PCNX2: variants seen among roughly 807,000 people sequenced by gnomAD.
PCNX2 encodes pecanex-like protein 2.
In PCNX2, 168 loss-of-function variants were observed where a neutral mutation model predicts 223.8. That is an observed-to-expected ratio of 0.75 (90% CI 0.66 to 0.85). PCNX2 has a LOEUF of 0.85. Ranked by LOEUF, PCNX2 falls within the 40% of genes least tolerant of loss-of-function variation. PCNX2 has a pLI of 0.00. For missense variants in PCNX2, 2,507 were observed against 2,675.5 expected (o/e 0.94, Z 1.39); for synonymous variants, 1,006 against 1,052.6 (o/e 0.96, Z 0.86).
intron 23 of PCNX2, among the ~76,000 whole-genome samples, chr1:233,067,365 C>CAAAAAAAAAAAAAAAAAAAAAAAA (rs750823791): frequency 2.6e-4 from 1 of 3,890 alleles, no homozygotes; most frequent in African/African-American, 6.2e-4. Context: ...AGAGCTTCAG[C>CAAAAAAAAAAAAAAAAAAAAAAAA]AAAAAAAAAA....
chr1:232,996,798 A>G (rs1669888689), intron 32 of PCNX2, among the ~76,000 whole-genome samples: 1 of 152,208 alleles, frequency 6.6e-6, no homozygotes, highest in Admixed American at 6.5e-5. Flanking sequence ...ACTCTAAAAC[A>G]GTTCTGTTAA....
At chr1:233,107,546 A>G (rs1674868968) in intron 21 of PCNX2, among the ~76,000 whole-genome samples, 1 of 152,218 alleles carries the variant, frequency 6.6e-6, no homozygotes, top group Non-Finnish European at 1.5e-5. Context: ...TTTGCCAACA[A>G]AAACCTCTAA....
chr1:233,149,840 AG>A (rs1677689466), intron 19 of PCNX2, among the ~76,000 whole-genome samples: 1 of 151,924 alleles, frequency 6.6e-6, no homozygotes, highest in South Asian at 2.1e-4. Context: ...CCCATGGCCC[AG>A]TCCCATGCCC....
chr1:233,269,467 C>T (rs1299813240), intron 1 of PCNX2, among the ~76,000 whole-genome samples: 3 of 152,186 alleles, frequency 2.0e-5, no homozygotes, highest in South Asian at 2.1e-4. Flanking sequence ...AGCAAAGGCA[C>T]TTCTCCAATT....
chr1:232,986,287 C>T lies in PCNX2; in HGVS notation c.6045G>A (p.Ala2015=), dbSNP rs777833591. 38 of 1,563,162 alleles carry T rather than the reference C, an allele frequency of 2.4e-5. No individual in the cohort carries two copies. The highest frequency in any genetic ancestry group is 1.8e-4 in the Middle Eastern group (1 of 5,600). The part of the protein sequence containing the change: ...GHLSVRERAE[A]LIRSSLGSST... ...AGGAGCCCAGGCTGGACCTGATGAG[C>T]GCCTCGGCCCGCTCACGGACACTCA... The change falls in exon 33 of 34, where the codon GCG becomes GCA. Residue 2015 remains alanine, a synonymous_variant. Coordinates refer to ENST00000258229, the MANE Select transcript of PCNX2 (RefSeq NM_014801.4).
intron 26 of PCNX2, chr1:233,018,746 G>T (rs1670774060): frequency 3.0e-6 from 3 of 984,880 alleles, no homozygotes; most frequent in Non-Finnish European, 3.6e-6. Context: ...GGGCACCCCT[G>T]GAATGAGGCT....
intron 8 of PCNX2, chr1:233,241,332 C>G: frequency 1.0e-6 from 1 of 985,448 alleles, no homozygotes. Context: ...GGCCAATTCT[C>G]AGGCTTTCAG....
At chr1:233,313,676 A>G in the PCNX2 span, among the ~76,000 whole-genome samples, 1 of 148,942 alleles carries the variant, frequency 6.7e-6, no homozygotes, top group African/African-American at 2.4e-5. Context: ...TGACCAAGAC[A>G]TATAAGTTAG....
chr1:233,156,556 C>T (rs1678137948), intron 19 of PCNX2, among the ~76,000 whole-genome samples: 1 of 152,074 alleles, frequency 6.6e-6, no homozygotes, highest in Non-Finnish European at 1.5e-5. Flanking sequence ...AAGGGAGGCT[C>T]AGGGAGCAGT....
At chr1:233,185,126 CACACAT>C (rs1368329062) in intron 15 of PCNX2, among the ~76,000 whole-genome samples, 1 of 137,076 alleles carries the variant, frequency 7.3e-6, no homozygotes, top group Non-Finnish European at 1.6e-5. Flanking sequence ...CACACACACA[CACACAT>C]CCCTCAGATT....
At chr1:233,154,261 T>C (rs1217862455) in intron 19 of PCNX2, among the ~76,000 whole-genome samples, 1 of 152,162 alleles carries the variant, frequency 6.6e-6, no homozygotes, top group Non-Finnish European at 1.5e-5. Context: ...TGTAATTTTT[T>C]AGTAGAGACA....
rs775420128 is a variant in PCNX2, at chr1:232,990,858, C to G, written c.5792-4318G>C. Among the ~76,000 whole-genome samples the G allele has an allele frequency of 1.3e-5, 2 of 152,172 alleles. No individual in the cohort carries two copies. The highest frequency in any genetic ancestry group is 6.5e-5 in the Admixed American group (1 of 15,282). ...TCTTCCCCAGGGTCGTCTCCCAGGG[C>G]GGACCTTGGGCCTACTTGCAGGCAC... On this transcript the variant is annotated intron_variant, in intron 32 of 33. Transcript: ENST00000258229. This position sits in a 1 kb window ranked among gnomAD's most constrained non-coding sequence, Gnocchi z 4.3.
At chr1:233,008,286 C>A (rs978563500) in intron 28 of PCNX2, among the ~76,000 whole-genome samples, 1 of 152,194 alleles carries the variant, frequency 6.6e-6, no homozygotes, top group African/African-American at 2.4e-5. Flanking sequence ...GTAAAGAACA[C>A]GTGATGTCCC....
At chr1:233,210,642 C>A in intron 12 of PCNX2, 1 of 985,372 alleles carries the variant, frequency 1.0e-6, no homozygotes, top group Non-Finnish European at 1.2e-6. Flanking sequence ...CTCTTCAATT[C>A]CTACTGCCAC....
At chr1:233,074,744 A>G (rs955421030) in intron 23 of PCNX2, among the ~76,000 whole-genome samples, 2 of 152,180 alleles carry the variant, frequency 1.3e-5, no homozygotes, top group Non-Finnish European at 2.9e-5. Context: ...AAAAAGTCCA[A>G]TTAGAAAATG....
intron 21 of PCNX2, among the ~76,000 whole-genome samples, chr1:233,113,950 T>C (rs1023531883): frequency 6.6e-6 from 1 of 152,224 alleles, no homozygotes; most frequent in East Asian, 1.9e-4. Flanking sequence ...ATTCCGGAGT[T>C]TTATTTCATA....
intron 21 of PCNX2, among the ~76,000 whole-genome samples, chr1:233,097,656 C>T (rs2102951979): frequency 6.6e-6 from 1 of 152,296 alleles, no homozygotes; most frequent in East Asian, 1.9e-4. Context: ...AACAACCCGT[C>T]ACTCTGTCAA....
intron 1 of PCNX2, among the ~76,000 whole-genome samples, chr1:233,284,296 A>T (rs1006863290): frequency 5.3e-5 from 8 of 152,278 alleles, no homozygotes; most frequent in African/African-American, 1.9e-4. Flanking sequence ...TTCAGGGGTC[A>T]TGTGTCTTGA....
At position 233,126,932 on chromosome 1, in the gene PCNX2, C is replaced by G. The variant is rs978203734; in HGVS notation, c.3837+8081G>C. Among the ~76,000 whole-genome samples, 2 of 152,050 alleles carry G rather than the reference C, an allele frequency of 1.3e-5. No homozygotes were observed. Among genetic ancestry groups the G allele is most frequent in the East Asian group, 3.9e-4 (2 of 5,138 alleles). Reference sequence around the variant, plus strand: ...CTCCCAGAGGTGGCTTTCACCTGCACTGCACTCTCCCCCGTATCTATCTGA... The same window carrying G: ...CTCCCAGAGGTGGCTTTCACCTGCAGTGCACTCTCCCCCGTATCTATCTGA... On this transcript the variant is annotated intron_variant, in intron 21 of 33. Coordinates refer to ENST00000258229, the MANE Select transcript of PCNX2 (RefSeq NM_014801.4). This position sits in a 1 kb window ranked among gnomAD's most constrained non-coding sequence, Gnocchi z 4.8.
Sources: allele counts gnomAD v4.1 joint callset (sites outside exome capture counted in the v4.1 genomes callset), GRCh38; gene constraint gnomAD v4.1.1; non-coding constraint Gnocchi (gnomAD v3.1); transcripts MANE v1.5; gene names NCBI Gene and HGNC (gene_info 2026-07-23, HGNC 2026-07-21).